CA12: variants seen among roughly 807,000 people sequenced by gnomAD.
CA12 encodes carbonate dehydratase XII.
A neutral mutation model predicts 46.8 loss-of-function variants in CA12; 36 were observed. That is an observed-to-expected ratio of 0.77 (90% CI 0.59 to 1.02). CA12 has a LOEUF of 1.02. CA12 is among the 50% of genes least tolerant of loss of function. The probability of loss-of-function intolerance (pLI) is 0.00; values close to 1 mark genes in which losing one functional copy is unlikely to be tolerated. For synonymous variants in CA12, 202 were observed against 187.0 expected, an observed-to-expected ratio of 1.08 and a Z score of -0.65; for missense variants, 436 against 451.4, an observed-to-expected ratio of 0.97 and a Z score of 0.31.
chr15:63,342,026 G>T lies in CA12; in HGVS notation c.501C>A (p.Leu167=). 1 of 1,613,630 alleles carries T rather than the reference G, an allele frequency of 6.2e-7. No homozygotes were observed. Among genetic ancestry groups the T allele is most frequent in the African/African-American group, 1.3e-5 (1 of 75,022 alleles). Residue 167 remains leucine (L), a synonymous_variant, in exon 5 of 11, where the codon CTC becomes CTA. Coordinates refer to ENST00000178638, the MANE Select transcript of CA12 (RefSeq NM_001218.5). Reference sequence around the variant, plus strand: ...CCTCAATGAGAACAGCCAGGACAGCGAGGCCTTCTGACTTGTTGCTGGCAG... The same window carrying T: ...CCTCAATGAGAACAGCCAGGACAGCTAGGCCTTCTGACTTGTTGCTGGCAG... ...ASTASNKSEG[L]AVLAVLIEMG...
rs2039084908 is a variant in CA12, at chr15:63,342,020, G to A, written c.507C>T (p.Val169=). The change falls in exon 5 of 11, where the codon GTC becomes GTT. Residue 169 remains valine, a synonymous_variant. Transcript: ENST00000178638. The part of the protein sequence containing the change: ...TASNKSEGLA[V]LAVLIEMGSF... ...CTCTTACCTCAATGAGAACAGCCAG[G>A]ACAGCGAGGCCTTCTGACTTGTTGC... 1 of 1,613,298 alleles carries A rather than the reference G, an allele frequency of 6.2e-7. No individual in the cohort carries two copies. The highest frequency in any genetic ancestry group is 1.7e-4 in the Middle Eastern group (1 of 6,058).
In CA12 at chr15:63,327,827, A is replaced by C. The variant is rs2038887642; in HGVS notation, c.907+271T>G. Among the ~76,000 whole-genome samples the C allele has an allele frequency of 2.0e-5, 3 of 152,220 alleles. No individual in the cohort carries two copies. Among genetic ancestry groups the C allele is most frequent in the Admixed American group, 6.5e-5 (1 of 15,276 alleles). ...CAATGGGCTCTGGTATGTTTTCAGC[A>C]ACAGCCTCCCACCATGACCAAAAGA... is the stretch of plus-strand genomic sequence containing the variant. On this transcript the variant is annotated intron_variant, in intron 9 of 10. Transcript: ENST00000178638. This position sits in a 1 kb window ranked among gnomAD's most constrained non-coding sequence, Gnocchi z 4.5.
At chr15:63,342,579 TTGATGTTAA>T (rs1185898219) in intron 4 of CA12, among the ~76,000 whole-genome samples, 1 of 152,176 alleles carries the variant, frequency 6.6e-6, no homozygotes, top group African/African-American at 2.4e-5. Context: ...AAGGTCTGTG[TTGATGTTAA>T]TGAATGTGGG....
intron 2 of CA12, among the ~76,000 whole-genome samples, chr15:63,360,375 A>G (rs1276530506): frequency 1.3e-5 from 2 of 152,234 alleles, no homozygotes; most frequent in Admixed American, 1.3e-4. Context: ...GCTGACAGCA[A>G]ATAAATCACT....
Position 63,328,056 on chromosome 15 carries a change from C to T in CA12, c.907+42G>A, listed in dbSNP as rs774012747. 18 of 1,596,038 alleles carry T rather than the reference C, an allele frequency of 1.1e-5. No individual in the cohort carries two copies. The highest frequency in any genetic ancestry group is 1.5e-5 in the Non-Finnish European group (17 of 1,164,000). The stretch of plus-strand genomic sequence containing the variant: ...GGATCACACCAAGAATCACAGTGAT[C>T]ACCCAGCTGCAGCATGCACGGCTGG... On this transcript the variant is annotated intron_variant, in intron 9 of 10. Transcript: ENST00000178638. The surrounding 1 kb of genome is among the most constrained non-coding windows in gnomAD (Gnocchi z 5.9).
intron 2 of CA12, among the ~76,000 whole-genome samples, chr15:63,358,514 C>T (rs1239849629): frequency 6.6e-6 from 1 of 152,198 alleles, no homozygotes. Context: ...CTTTTCATCA[C>T]TGGTACAGCT....
chr15:63,339,091 A>C lies in CA12; in HGVS notation c.748-146T>G, dbSNP rs2039042655. On this transcript the variant is annotated intron_variant, in intron 7 of 10. Transcript: ENST00000178638. The surrounding 1 kb of genome is among the most constrained non-coding windows in gnomAD (Gnocchi z 4.3). Reference sequence around the variant, plus strand: ...CCGGGTGGGAGATATTAGAAAGCAGAGGGAAAGCCACAGAACTGCTTCCCT... The same window carrying C: ...CCGGGTGGGAGATATTAGAAAGCAGCGGGAAAGCCACAGAACTGCTTCCCT... 5 of 1,025,072 alleles carry C rather than the reference A, an allele frequency of 4.9e-6. No individual in the cohort carries two copies. In the African/African-American group the frequency reaches 7.9e-5, roughly 16 times the overall value. 63.5% of individuals were successfully genotyped at this position (1,025,072 alleles called of 1,614,324 possible). A position where few individuals can be genotyped will look rare whatever the true frequency, so the allele number is the denominator to read the frequency against.
chr15:63,355,434 C>G lies in CA12; in HGVS notation c.107-8725G>C, dbSNP rs2039282247. Among the ~76,000 whole-genome samples the G allele has an allele frequency of 6.6e-6, 1 of 152,214 alleles. No homozygotes were observed. Among genetic ancestry groups the G allele is most frequent in the South Asian group, 2.1e-4 (1 of 4,830 alleles). Reference sequence around the variant, plus strand: ...TATCATCACCGCCTAGGAACTCATTCAAAATGCAGAGTCTCGGGCCCCACC... The same window carrying G: ...TATCATCACCGCCTAGGAACTCATTGAAAATGCAGAGTCTCGGGCCCCACC... On this transcript the variant is annotated intron_variant, in intron 2 of 10. Coordinates refer to ENST00000178638, the MANE Select transcript of CA12 (RefSeq NM_001218.5). The surrounding 1 kb of genome is among the most constrained non-coding windows in gnomAD (Gnocchi z 4.1).
In CA12 at chr15:63,328,654, C is replaced by T. The variant is rs529576902; in HGVS notation, c.875-524G>A. On this transcript the variant is annotated intron_variant, in intron 8 of 10. Coordinates refer to ENST00000178638, the MANE Select transcript of CA12 (RefSeq NM_001218.5). The surrounding 1 kb of genome is among the most constrained non-coding windows in gnomAD (Gnocchi z 5.9). ...CGGCCCCGATGCTCCTTTATCACAA[C>T]AGTTTCCTGGCTAGGGCAAGACTTC... Among the ~76,000 whole-genome samples, 184 of 152,036 alleles carry T rather than the reference C, an allele frequency of 1.2e-3. No individual in the cohort carries two copies. The highest frequency in any genetic ancestry group is 2.2e-3 in the Non-Finnish European group (147 of 67,998).
rs76455877 is a variant in CA12 at position 63,327,418 on chromosome 15, C to T, written c.908-185G>A. On this transcript the variant is annotated intron_variant, in intron 9 of 10. Transcript: ENST00000178638. The surrounding 1 kb of genome is among the most constrained non-coding windows in gnomAD (Gnocchi z 4.5). ...ACTGGCTGGAGTATTTTGAGGTGGCCGTTTGCAAATTCTAGTGGTTTTCCA... is the reference window on the plus strand; with the variant it reads ...ACTGGCTGGAGTATTTTGAGGTGGCTGTTTGCAAATTCTAGTGGTTTTCCA... Among the ~76,000 whole-genome samples the T allele has an allele frequency of 3.5e-3, 526 of 151,980 alleles. 2 individuals carry two copies. The highest frequency in any genetic ancestry group is 0.012 in the African/African-American group (490 of 41,430).
At chr15:63,360,941 C>T (rs1235785153) in intron 2 of CA12, among the ~76,000 whole-genome samples, 1 of 152,220 alleles carries the variant, frequency 6.6e-6, no homozygotes, top group Non-Finnish European at 1.5e-5. Context: ...TCATTAAAGA[C>T]TGGAGGGGAG....
chr15:63,355,346 A>G lies in CA12; in HGVS notation c.107-8637T>C, dbSNP rs1211112220. Among the ~76,000 whole-genome samples, 1 of 152,174 alleles carries G rather than the reference A, an allele frequency of 6.6e-6. No individual in the cohort carries two copies. The highest frequency in any genetic ancestry group is 1.5e-5 in the Non-Finnish European group (1 of 68,032). ...TGCAGCAGCCACACTGATCAAAGCAATATTGTCTGCCTTTCCACCCCAGTA... is the reference window on the plus strand; with the variant it reads ...TGCAGCAGCCACACTGATCAAAGCAGTATTGTCTGCCTTTCCACCCCAGTA... On this transcript the variant is annotated intron_variant, in intron 2 of 10. Transcript: ENST00000178638. This position sits in a 1 kb window ranked among gnomAD's most constrained non-coding sequence, Gnocchi z 4.1.
In CA12 at chr15:63,331,934, A is replaced by G. The variant is rs990294550; in HGVS notation, c.875-3804T>C. ...CTGGAGGTTCCTGGAACAACAGTCT[A>G]GTATTTTCTAGCTCTATTTACGATT... On this transcript the variant is annotated intron_variant, in intron 8 of 10. Transcript: ENST00000178638. This position sits in a 1 kb window ranked among gnomAD's most constrained non-coding sequence, Gnocchi z 5.3. 2.0e-5 allele frequency: 3 copies of G among 152,210 alleles called. No homozygotes were observed. Among genetic ancestry groups the G allele is most frequent in the Admixed American group, 1.3e-4 (2 of 15,276 alleles). 9.4% of individuals were successfully genotyped at this position (152,210 alleles called of 1,614,324 possible).
At position 63,328,021 on chromosome 15, in the gene CA12, G is replaced by A. The variant is rs1296777298; in HGVS notation, c.907+77C>T. 7.3e-7 allele frequency: 1 copy of A among 1,365,530 alleles called. No individual in the cohort carries two copies. The highest frequency in any genetic ancestry group is 1.4e-5 in the African/African-American group (1 of 70,024). 84.6% of individuals were successfully genotyped at this position (1,365,530 alleles called of 1,614,324 possible). On this transcript the variant is annotated intron_variant, in intron 9 of 10. Coordinates refer to ENST00000178638, the MANE Select transcript of CA12 (RefSeq NM_001218.5). The surrounding 1 kb of genome is among the most constrained non-coding windows in gnomAD (Gnocchi z 5.9). ...GAGCAATAGTACAGAGAAGCAGAGA[G>A]GACGGGCTTGGATCACACCAAGAAT...
At position 63,340,578 on chromosome 15, in the gene CA12, C is replaced by T; in HGVS notation, c.590-133G>A. The T allele has an allele frequency of 7.3e-7, 1 of 1,372,770 alleles. No homozygotes were observed. Among genetic ancestry groups the T allele is most frequent in the Admixed American group, 1.7e-5 (1 of 58,914 alleles). The allele number at this position is 1,372,770 out of a possible 1,614,324, so 85.0% of individuals were successfully genotyped here. On this transcript the variant is annotated intron_variant, in intron 6 of 10. Transcript: ENST00000178638. The surrounding 1 kb of genome is among the most constrained non-coding windows in gnomAD (Gnocchi z 4.4). ...GTCATCTAACCCCAGGACCTGGTTGCAACATTGTTCAACAACCTGCTGCTC... is the reference window on the plus strand; with the variant it reads ...GTCATCTAACCCCAGGACCTGGTTGTAACATTGTTCAACAACCTGCTGCTC...
In CA12 at chr15:63,344,206, G is replaced by A. The variant is rs546812817; in HGVS notation, c.429+1271C>T. ...CTCTACCCCTCTCTCACATGTGAAC[G>A]GCTGATCAAAAACTCAGAAGAATGC... On this transcript the variant is annotated intron_variant, in intron 4 of 10. Transcript: ENST00000178638. 3.9e-4 allele frequency among the ~76,000 whole-genome samples: 60 copies of A among 152,284 alleles called. 1 individual carries two copies. Among genetic ancestry groups the A allele is most frequent in the African/African-American group, 1.4e-3 (59 of 41,546 alleles).
In CA12 at chr15:63,341,995, C is replaced by T; in HGVS notation, c.525+7G>A. Reference sequence around the variant, plus strand: ...TTTCACCTAAGAACCTTTTAAATATCTCTTACCTCAATGAGAACAGCCAGG... The same window carrying T: ...TTTCACCTAAGAACCTTTTAAATATTTCTTACCTCAATGAGAACAGCCAGG... On this transcript the variant is annotated splice_region_variant and intron_variant, in intron 5 of 10. Coordinates refer to ENST00000178638, the MANE Select transcript of CA12 (RefSeq NM_001218.5). The surrounding 1 kb of genome is among the most constrained non-coding windows in gnomAD (Gnocchi z 5.2). The T allele has an allele frequency of 1.2e-6, 2 of 1,602,292 alleles. No individual in the cohort carries two copies. Among genetic ancestry groups the T allele is most frequent in the Non-Finnish European group, 1.7e-6 (2 of 1,169,326 alleles).
chr15:63,345,531 C>A lies in CA12; in HGVS notation c.375G>T (p.Pro125=), dbSNP rs199545110. The A allele has an allele frequency of 3.4e-5, 55 of 1,612,622 alleles. No homozygotes were observed. The highest frequency in any genetic ancestry group is 4.2e-5 in the Non-Finnish European group (49 of 1,180,030). The part of the protein sequence containing the change: ...ATQLHLHWGN[P]NDPHGSEHTV... Reference sequence around the variant, plus strand: ...TGTGCTCAGAGCCGTGCGGGTCATTCGGGTTCCCCCAGTGCAGGTGCAGCT... The same window carrying A: ...TGTGCTCAGAGCCGTGCGGGTCATTAGGGTTCCCCCAGTGCAGGTGCAGCT... The change falls in exon 4 of 11, where the codon CCG becomes CCT. Residue 125 remains proline (P), a synonymous_variant. Transcript: ENST00000178638. The surrounding 1 kb of genome is among the most constrained non-coding windows in gnomAD (Gnocchi z 4.3).
intron 2 of CA12, among the ~76,000 whole-genome samples, chr15:63,350,524 C>A (rs1243625385): frequency 6.6e-6 from 1 of 152,234 alleles, no homozygotes; most frequent in Non-Finnish European, 1.5e-5. Flanking sequence ...ACAGGAGGAT[C>A]ACGTGTCTTT....
Sources: allele counts gnomAD v4.1 joint callset (sites outside exome capture counted in the v4.1 genomes callset), GRCh38; gene constraint gnomAD v4.1.1; non-coding constraint Gnocchi (gnomAD v3.1); transcripts MANE v1.5; gene names NCBI Gene and HGNC (gene_info 2026-07-23, HGNC 2026-07-21).